Variants in WWOX observed in about 807,000 individuals in gnomAD.
The protein encoded by WWOX is WW domain-containing oxidoreductase.
In WWOX, 69 loss-of-function variants were observed where a neutral mutation model predicts 46.2. The ratio of observed to expected loss-of-function variants is 1.49; its 90% CI spans 1.23 to 1.82. WWOX has a LOEUF of 1.82. Ranked by LOEUF, WWOX falls within the 40% of genes most tolerant of loss-of-function variation. The probability of loss-of-function intolerance (pLI) is 0.00; values close to 1 mark genes in which losing one functional copy is unlikely to be tolerated. For missense variants in WWOX, 919 were observed against 542.6 expected (o/e 1.69, Z -6.89); for synonymous variants, 359 against 202.6 (o/e 1.77, Z -6.56).
At chr16:78,715,785 C>G (rs1201798476) in intron 8 of WWOX, among the ~76,000 whole-genome samples, 1 of 152,148 alleles carries the variant, frequency 6.6e-6, no homozygotes, top group Non-Finnish European at 1.5e-5. Context: ...CCGTGTCTGA[C>G]CATTTTATCA....
intron 8 of WWOX, among the ~76,000 whole-genome samples, chr16:78,875,848 A>G (rs566379253): frequency 3.9e-5 from 6 of 152,286 alleles, no homozygotes; most frequent in East Asian, 3.9e-4. Flanking sequence ...TTCGTTTTTT[A>G]AAAGAATGTT....
At chr16:78,495,145 C>CTTCTTTTTT (rs2084882152) in intron 8 of WWOX, among the ~76,000 whole-genome samples, 1 of 116,616 alleles carries the variant, frequency 8.6e-6, no homozygotes, top group Admixed American at 1.1e-4. Context: ...CTGTTGTGTT[C>CTTCTTTTTT]TTTTTTTTTT....
chr16:78,278,469 A>T (rs1275314748), intron 5 of WWOX: 1 of 838,692 alleles, frequency 1.2e-6, no homozygotes, highest in Non-Finnish European at 1.9e-6. Flanking sequence ...AGGTGTTGGA[A>T]GAAGGTTTTA....
Position 78,721,272 on chromosome 16 carries a change from T to C in WWOX, c.1056+288520T>C, listed in dbSNP as rs530940075. ...AAAGTAGCTTTCATGATGAAGGTGA[T>C]GAACTACTTCTTTCCATTATTCTAT... On this transcript the variant is annotated intron_variant, in intron 8 of 8. Coordinates refer to ENST00000566780, the MANE Select transcript of WWOX (RefSeq NM_016373.4). Among the ~76,000 whole-genome samples the C allele has an allele frequency of 3.0e-4, 45 of 152,316 alleles. No individual in the cohort carries two copies. In the South Asian group the frequency reaches 9.1e-3, roughly 31 times the overall value.
Position 78,795,559 on chromosome 16 carries a change from G to T in WWOX, c.1056+362807G>T, listed in dbSNP as rs186545289. The stretch of plus-strand genomic sequence containing the variant: ...CCAATTCTGAAAAAAAGGATTCAGG[G>T]TATAATTTCTCACACAGATTTCTGG... On this transcript the variant is annotated intron_variant, in intron 8 of 8. Transcript: ENST00000566780. 2.8e-3 allele frequency among the ~76,000 whole-genome samples: 421 copies of T among 152,266 alleles called. 3 individuals carry two copies. Among genetic ancestry groups the T allele is most frequent in the African/African-American group, 9.8e-3 (407 of 41,552 alleles).
intron 8 of WWOX, among the ~76,000 whole-genome samples, chr16:78,597,091 G>C (rs1471908068): frequency 6.6e-6 from 1 of 152,108 alleles, no homozygotes; most frequent in African/African-American, 2.4e-5. Context: ...TTACGACCTG[G>C]GTGCTAGTAT....
intron 5 of WWOX, among the ~76,000 whole-genome samples, chr16:78,283,375 C>T (rs2079713600): frequency 6.6e-6 from 1 of 152,186 alleles, no homozygotes; most frequent in African/African-American, 2.4e-5. Context: ...TCATCCCGCC[C>T]TCGGCCTCAT....
chr16:78,643,721 C>A (rs1450859478), intron 8 of WWOX, among the ~76,000 whole-genome samples: 1 of 151,780 alleles, frequency 6.6e-6, no homozygotes, highest in South Asian at 2.1e-4. Context: ...CTTCTAGGAA[C>A]TGATTTAAAA....
intron 4 of WWOX, among the ~76,000 whole-genome samples, chr16:78,162,732 T>C (rs939635173): frequency 3.9e-5 from 6 of 152,138 alleles, no homozygotes; most frequent in South Asian, 2.1e-4. Context: ...ATTACATGTA[T>C]GTGTAAGAGC....
At chr16:78,957,589 C>G (rs887012538) in intron 8 of WWOX, among the ~76,000 whole-genome samples, 1 of 152,180 alleles carries the variant, frequency 6.6e-6, no homozygotes, top group Non-Finnish European at 1.5e-5. Context: ...TGATTCATAA[C>G]TCAGTCACGT....
intron 8 of WWOX, among the ~76,000 whole-genome samples, chr16:78,634,708 A>T (rs896901936): frequency 3.4e-4 from 48 of 142,408 alleles, no homozygotes; most frequent in African/African-American, 8.7e-4. Context: ...TCTGTGTTAA[A>T]AAAAAAAAAA....
intron 8 of WWOX, among the ~76,000 whole-genome samples, chr16:78,938,660 TACTA>T (rs1050323806): frequency 2.0e-5 from 3 of 152,186 alleles, no homozygotes; most frequent in Admixed American, 2.0e-4. Context: ...ATTTACTGTG[TACTA>T]ACTAATGGGG....
chr16:78,293,468 A>G (rs1478869809), intron 5 of WWOX, among the ~76,000 whole-genome samples: 2 of 151,970 alleles, frequency 1.3e-5, no homozygotes, highest in East Asian at 3.9e-4. Flanking sequence ...TCTCTCCTGT[A>G]TGTCGTCCCT....
chr16:78,382,164 AGTT>A (rs1354071546), intron 5 of WWOX, among the ~76,000 whole-genome samples: 1 of 152,182 alleles, frequency 6.6e-6, no homozygotes, highest in Non-Finnish European at 1.5e-5. Context: ...GGACTGAGTT[AGTT>A]GTTGTTGTTC....
intron 5 of WWOX, among the ~76,000 whole-genome samples, chr16:78,315,447 G>A (rs1382448086): frequency 6.6e-6 from 1 of 152,010 alleles, no homozygotes; most frequent in Non-Finnish European, 1.5e-5. Context: ...TTAGGAGTTC[G>A]AGACCAGCCC....
At chr16:78,193,067 C>T (rs1354840589) in intron 5 of WWOX, among the ~76,000 whole-genome samples, 1 of 152,196 alleles carries the variant, frequency 6.6e-6, no homozygotes, top group African/African-American at 2.4e-5. Context: ...CTTGCAGGGC[C>T]CAGGCTGTAG....
intron 8 of WWOX, chr16:78,895,628 A>G (rs372576050): frequency 2.5e-4 from 38 of 152,354 alleles, no homozygotes; most frequent in Middle Eastern, 6.8e-3. Flanking sequence ...CAGCTTGGCA[A>G]TGCTGACCCC....
At chr16:78,702,118 ATATATT>A (rs1266151996) in intron 8 of WWOX, among the ~76,000 whole-genome samples, 28 of 134,484 alleles carry the variant, frequency 2.1e-4, no homozygotes, top group South Asian at 6.8e-4. Flanking sequence ...ATATATATAT[ATATATT>A]TATTTATTTT....
At chr16:78,956,563 C>G (rs2046170836) in intron 8 of WWOX, among the ~76,000 whole-genome samples, 1 of 152,166 alleles carries the variant, frequency 6.6e-6, no homozygotes. Context: ...TTTTCACAGA[C>G]ATGGAATGAC....
Sources: gnomAD v4.1 joint callset for allele counts (sites outside exome capture counted in the v4.1 genomes callset) on GRCh38, gnomAD v4.1.1 for gene constraint, MANE v1.5 for transcripts, NCBI Gene and HGNC (gene_info 2026-07-23, HGNC 2026-07-21) for gene names.